DGKB: variants seen among roughly 807,000 people sequenced by gnomAD.
DGKB encodes diacylglycerol kinase beta, also known as 90 kDa diacylglycerol kinase.
A neutral mutation model predicts 114.3 loss-of-function variants in DGKB; 67 were observed. That is an observed-to-expected ratio of 0.59 (90% CI 0.48 to 0.72). The LOEUF is 0.72. Among genes scored for constraint, DGKB ranks in the 30% least tolerant of loss-of-function variants. The pLI is 0.00. For missense variants in DGKB, 907 were observed against 975.2 expected (o/e 0.93, Z 0.93); for synonymous variants, 398 against 323.1 (o/e 1.23, Z -2.49).
intron 1 of DGKB, among the ~76,000 whole-genome samples, chr7:14,888,203 T>C (rs567102775): frequency 1.3e-5 from 2 of 151,822 alleles, no homozygotes; most frequent in East Asian, 1.9e-4. Flanking sequence ...TTAAGTATGA[T>C]GCATACTGAT....
chr7:14,698,516 T>G (rs1824504678), intron 7 of DGKB, among the ~76,000 whole-genome samples: 1 of 152,104 alleles, frequency 6.6e-6, no homozygotes, highest in African/African-American at 2.4e-5. Flanking sequence ...CCTGAACCTT[T>G]GGCTTGAAAA....
chr7:14,288,822 G>T (rs1801290671), intron 23 of DGKB, among the ~76,000 whole-genome samples: 1 of 152,154 alleles, frequency 6.6e-6, no homozygotes, highest in Admixed American at 6.5e-5. Context: ...CAAACAGGAG[G>T]TTCCTTGACG....
chr7:14,465,946 A>G (rs181676213), intron 21 of DGKB, among the ~76,000 whole-genome samples: 13 of 151,944 alleles, frequency 8.6e-5, no homozygotes, highest in Admixed American at 8.5e-4. Flanking sequence ...GTGATGCATT[A>G]TCCATCGGAT....
At chr7:14,329,987 A>G (rs1809441404) in intron 23 of DGKB, among the ~76,000 whole-genome samples, 1 of 152,034 alleles carries the variant, frequency 6.6e-6, no homozygotes, top group Non-Finnish European at 1.5e-5. Context: ...ACTGTGCCAC[A>G]GAAACAAATA....
chr7:14,208,885 GTTTT>G (rs10566891), intron 23 of DGKB, among the ~76,000 whole-genome samples: 4 of 146,020 alleles, frequency 2.7e-5, no homozygotes, highest in East Asian at 4.0e-4. Context: ...GAAATAGCTA[GTTTT>G]TTTTTTTTTC....
rs79230301 is a variant in DGKB, at chr7:14,620,661, C to T, written c.1284+717G>A. On this transcript the variant is annotated intron_variant, in intron 15 of 25. Coordinates refer to ENST00000402815, the MANE Select transcript of DGKB (RefSeq NM_001350709.2). ...TCCACAATTTCATAAATTAAGCCAA[C>T]GTTATTGACCATTTTTCTGTTGAAG... Among the ~76,000 whole-genome samples the T allele has an allele frequency of 4.1e-3, 618 of 151,600 alleles. 9 individuals carry two copies. The highest frequency in any genetic ancestry group is 0.014 in the African/African-American group (575 of 41,442).
At chr7:14,685,538 T>C (rs972605379) in intron 9 of DGKB, among the ~76,000 whole-genome samples, 176 bp from the exon 10 acceptor site, 2 of 152,164 alleles carry the variant, frequency 1.3e-5, no homozygotes, top group African/African-American at 4.8e-5. Context: ...TCCAGTGAAA[T>C]GAGATAGTGC....
intron 13 of DGKB, among the ~76,000 whole-genome samples, chr7:14,655,055 C>CT (rs1292490202): frequency 4.0e-5 from 6 of 151,666 alleles, no homozygotes; most frequent in African/African-American, 1.5e-4. Flanking sequence ...TTTTAAAGAG[C>CT]TTTTGCTCAG....
chr7:14,863,754 T>C lies in DGKB; in HGVS notation c.-187-22304A>G, dbSNP rs183505250. Among the ~76,000 whole-genome samples, 278 of 152,194 alleles carry C rather than the reference T, an allele frequency of 1.8e-3. 1 individual carries two copies. Among genetic ancestry groups the C allele is most frequent in the Non-Finnish European group, 3.0e-3 (204 of 68,002 alleles). ...TCACCACATCAACTTTTCATGTTTTTTGTGGTAAGAATGATTCTGGGGCAG... is the reference window on the plus strand; with the variant it reads ...TCACCACATCAACTTTTCATGTTTTCTGTGGTAAGAATGATTCTGGGGCAG... On this transcript the variant is annotated intron_variant, in intron 1 of 25. Coordinates refer to ENST00000402815, the MANE Select transcript of DGKB (RefSeq NM_001350709.2).
chr7:14,477,189 C>T (rs1782312879), intron 21 of DGKB, among the ~76,000 whole-genome samples: 1 of 152,106 alleles, frequency 6.6e-6, no homozygotes. Flanking sequence ...TAGTTTTTAA[C>T]AGCATTTTAT....
chr7:14,831,573 A>G (rs1846418913), intron 2 of DGKB, among the ~76,000 whole-genome samples: 1 of 151,956 alleles, frequency 6.6e-6, no homozygotes, highest in South Asian at 2.1e-4. Flanking sequence ...GGCCCTTTTC[A>G]TGTTTCCCAA....
At chr7:14,765,011 G>A (rs1836252408) in intron 2 of DGKB, among the ~76,000 whole-genome samples, 1 of 152,000 alleles carries the variant, frequency 6.6e-6, no homozygotes, top group African/African-American at 2.4e-5. Flanking sequence ...TTATCTACTT[G>A]TGTGAGAATT....
intron 23 of DGKB, among the ~76,000 whole-genome samples, chr7:14,255,842 G>A (rs1262373149): frequency 2.0e-5 from 3 of 151,220 alleles, no homozygotes; most frequent in African/African-American, 7.3e-5. Flanking sequence ...TCTGTAAACT[G>A]CAATCAGGCT....
intron 1 of DGKB, among the ~76,000 whole-genome samples, chr7:14,900,917 C>T (rs1463601834): frequency 6.6e-6 from 1 of 152,162 alleles, no homozygotes; most frequent in Non-Finnish European, 1.5e-5. Flanking sequence ...TATTAGGGAA[C>T]TGCTTGCAAA....
intron 25 of DGKB, among the ~76,000 whole-genome samples, chr7:14,150,022 T>C (rs957236971): frequency 6.6e-6 from 1 of 152,166 alleles, no homozygotes; most frequent in Non-Finnish European, 1.5e-5. Flanking sequence ...GAATATATGC[T>C]ATGCTCAAAG....
intron 20 of DGKB, among the ~76,000 whole-genome samples, chr7:14,558,994 C>T (rs935665941): frequency 2.0e-5 from 3 of 152,280 alleles, no homozygotes; most frequent in Non-Finnish European, 4.4e-5. Flanking sequence ...AAGCAGATCA[C>T]CTGCATGTCC....
At chr7:14,654,088 T>C (rs1369959435) in intron 13 of DGKB, among the ~76,000 whole-genome samples, 1 of 152,056 alleles carries the variant, frequency 6.6e-6, no homozygotes, top group African/African-American at 2.4e-5. Flanking sequence ...AAAGAGGATG[T>C]CAACTTATCC....
intron 25 of DGKB, among the ~76,000 whole-genome samples, chr7:14,170,885 A>T (rs531020941): frequency 1.3e-5 from 2 of 152,340 alleles, no homozygotes; most frequent in South Asian, 4.1e-4. Flanking sequence ...ACAAAGGCAA[A>T]GCAAGCAGTC....
chr7:14,351,537 G>A, intron 21 of DGKB, among the ~76,000 whole-genome samples: 1 of 152,136 alleles, frequency 6.6e-6, no homozygotes, highest in East Asian at 1.9e-4. Context: ...ATGAACTATG[G>A]CCACAGGTAT....
Sources: allele counts gnomAD v4.1 joint callset (sites outside exome capture counted in the v4.1 genomes callset), GRCh38; gene constraint gnomAD v4.1.1; transcripts MANE v1.5; gene names NCBI Gene and HGNC (gene_info 2026-07-23, HGNC 2026-07-21).